The following PPFIA2 variants were observed in gnomAD, a reference collection of about 807,000 sequenced individuals.
PPFIA2 encodes the protein liprin-alpha-2.
Under a neutral mutation model 175.5 loss-of-function variants are expected in PPFIA2, and 46 were observed. That is an observed-to-expected ratio of 0.26 (90% CI 0.21 to 0.34). The LOEUF (loss-of-function observed/expected upper bound fraction) is 0.34, where lower values mean the gene tolerates loss of function less well. Ranked by LOEUF, PPFIA2 falls within the 10% of genes least tolerant of loss-of-function variation. The pLI, the probability that PPFIA2 is intolerant of heterozygous loss-of-function variation, is 1.00. For synonymous variants in PPFIA2, 568 were observed against 511.4 expected (o/e 1.11, Z -1.49); for missense variants, 1,179 against 1,506.1 (o/e 0.78, Z 3.60).
chr12:81,594,305 C>A (rs1460117734), intron 4 of PPFIA2, among the ~76,000 whole-genome samples: 1 of 152,088 alleles, frequency 6.6e-6, no homozygotes. Context: ...AGTAAAGTTT[C>A]TTTCTCTTGT....
intron 4 of PPFIA2, among the ~76,000 whole-genome samples, chr12:81,667,550 A>T (rs2070579605): frequency 6.6e-6 from 1 of 152,136 alleles, no homozygotes; most frequent in Admixed American, 6.6e-5. Context: ...CATGTAAATG[A>T]AGTTAGTTAA....
rs563095287 is a variant in PPFIA2, at chr12:81,570,210, T to C, written c.303+106581A>G. Among the ~76,000 whole-genome samples, 8 of 152,332 alleles carry C rather than the reference T, an allele frequency of 5.3e-5. No homozygotes were observed. In the East Asian group the frequency reaches 1.5e-3, roughly 29 times the overall value. On this transcript the variant is annotated intron_variant, in intron 4 of 32. Coordinates refer to ENST00000549396, the MANE Select transcript of PPFIA2 (RefSeq NM_003625.5). ...GATGTATTGAAAGATAAGTTTTCAC[T>C]AAACCCAGTGATAATAGAACAAGAG...
intron 4 of PPFIA2, among the ~76,000 whole-genome samples, chr12:81,503,227 T>A (rs1008907500): frequency 6.6e-6 from 1 of 152,122 alleles, no homozygotes; most frequent in Admixed American, 6.6e-5. Context: ...TAAATTTTTT[T>A]ATTTTTATTT....
chr12:81,586,714 A>AG (rs1746015231), intron 4 of PPFIA2, among the ~76,000 whole-genome samples: 3 of 151,954 alleles, frequency 2.0e-5, no homozygotes, highest in African/African-American at 7.2e-5. Flanking sequence ...TAAGCACAAA[A>AG]TAATGTATAT....
chr12:81,346,118 T>A (rs1013278721), intron 18 of PPFIA2, among the ~76,000 whole-genome samples: 2 of 152,320 alleles, frequency 1.3e-5, no homozygotes, highest in South Asian at 4.1e-4. Flanking sequence ...CTCAAAATTG[T>A]AAGTATGCCA....
chr12:81,709,779 T>C (rs927832988), intron 3 of PPFIA2, among the ~76,000 whole-genome samples: 4 of 152,104 alleles, frequency 2.6e-5, no homozygotes, highest in Non-Finnish European at 5.9e-5. Context: ...CTACTATAAA[T>C]AGTAGTTTGT....
chr12:81,379,497 T>G (rs909080074), intron 9 of PPFIA2, among the ~76,000 whole-genome samples: 4 of 152,166 alleles, frequency 2.6e-5, no homozygotes, highest in African/African-American at 9.6e-5. Flanking sequence ...GATGGTTTTA[T>G]TCACAAAACA....
At chr12:81,726,343 T>G (rs547241042) in intron 3 of PPFIA2, among the ~76,000 whole-genome samples, 1 of 151,074 alleles carries the variant, frequency 6.6e-6, no homozygotes, top group Admixed American at 6.6e-5. Context: ...AAAAGAAAAC[T>G]TTCTTTCTCT....
intron 4 of PPFIA2, among the ~76,000 whole-genome samples, chr12:81,605,880 G>T (rs1047173634): frequency 1.3e-5 from 2 of 151,766 alleles, no homozygotes; most frequent in African/African-American, 2.4e-5. Flanking sequence ...GATTCAGGGG[G>T]TACATGTGCA....
chr12:81,528,107 A>G (rs1025610180), intron 4 of PPFIA2, among the ~76,000 whole-genome samples: 2 of 150,788 alleles, frequency 1.3e-5, no homozygotes, highest in East Asian at 3.9e-4. Flanking sequence ...TCATTATTTC[A>G]GTTCCTAGAA....
intron 7 of PPFIA2, among the ~76,000 whole-genome samples, chr12:81,413,762 G>A (rs1439475954): frequency 6.6e-6 from 1 of 151,784 alleles, no homozygotes; most frequent in East Asian, 1.9e-4. Context: ...TTTGTGGACA[G>A]AAAAATGGAA....
At chr12:81,295,851 A>G (rs1370309925) in intron 23 of PPFIA2, among the ~76,000 whole-genome samples, 2 of 151,976 alleles carry the variant, frequency 1.3e-5, no homozygotes, top group Non-Finnish European at 2.9e-5. Context: ...TTAGCTGAGC[A>G]TGATGGCGAG....
intron 4 of PPFIA2, among the ~76,000 whole-genome samples, chr12:81,600,722 C>T (rs558416395): frequency 6.6e-6 from 1 of 151,990 alleles, no homozygotes; most frequent in South Asian, 2.1e-4. Context: ...ATCTTACTTC[C>T]TCTTATGGTT....
intron 4 of PPFIA2, among the ~76,000 whole-genome samples, chr12:81,622,311 G>T (rs2062142611): frequency 6.6e-6 from 1 of 152,188 alleles, no homozygotes. Context: ...ATTTGATACA[G>T]GGCTCAATAG....
intron 28 of PPFIA2, among the ~76,000 whole-genome samples, chr12:81,272,756 C>T (rs1237006802): frequency 2.6e-5 from 4 of 152,076 alleles, no homozygotes; most frequent in Non-Finnish European, 5.9e-5. Context: ...ATGTCAACTT[C>T]TTCTTAAAAG....
intron 4 of PPFIA2, among the ~76,000 whole-genome samples, chr12:81,497,559 G>T: frequency 7.6e-6 from 1 of 131,226 alleles, no homozygotes; most frequent in African/African-American, 3.0e-5. Context: ...TTTTTTTTGG[G>T]GCAGAGTTTT....
At chr12:81,662,290 C>T (rs1253435661) in intron 4 of PPFIA2, among the ~76,000 whole-genome samples, 2 of 151,782 alleles carry the variant, frequency 1.3e-5, no homozygotes, top group Non-Finnish European at 2.9e-5. Context: ...TCAACAAAGT[C>T]GATAGACCAC....
intron 4 of PPFIA2, among the ~76,000 whole-genome samples, chr12:81,671,473 T>A (rs779236526): frequency 2.0e-5 from 3 of 151,976 alleles, no homozygotes; most frequent in African/African-American, 4.8e-5. Context: ...ATCATTTTCA[T>A]CACTATCCTT....
intron 4 of PPFIA2, among the ~76,000 whole-genome samples, chr12:81,663,941 G>A (rs1057333155): frequency 1.4e-4 from 22 of 152,136 alleles, no homozygotes; most frequent in African/African-American, 5.3e-4. Context: ...AATGGGGAAA[G>A]GATTCCCTAT....
Sources: allele counts gnomAD v4.1 joint callset (sites outside exome capture counted in the v4.1 genomes callset), GRCh38; gene constraint gnomAD v4.1.1; transcripts MANE v1.5; gene names NCBI Gene and HGNC (gene_info 2026-07-23, HGNC 2026-07-21).